B3GALNT2: variants seen among roughly 807,000 people sequenced by gnomAD.
B3GALNT2 encodes beta-1,3-N-acetylgalactosaminyltransferase 2.
Under a neutral mutation model 61.1 loss-of-function variants are expected in B3GALNT2, and 53 were observed. That is an observed-to-expected ratio of 0.87 (90% CI 0.70 to 1.09). The LOEUF is 1.09. Ranked by LOEUF, B3GALNT2 falls within the 50% of genes least tolerant of loss-of-function variation. The probability of loss-of-function intolerance (pLI) is 0.00; values close to 1 mark genes in which losing one functional copy is unlikely to be tolerated. For missense variants in B3GALNT2, 544 were observed against 623.0 expected (o/e 0.87, Z 1.35); for synonymous variants, 223 against 237.4 (o/e 0.94, Z 0.56).
chr1:235,459,612 G>A (rs1023815620), intron 7 of B3GALNT2, among the ~76,000 whole-genome samples: 2 of 152,084 alleles, frequency 1.3e-5, no homozygotes, highest in African/African-American at 4.8e-5. Context: ...AGGCAACACA[G>A]CGAGACCCTG....
chr1:235,442,949 A>C, downstream of B3GALNT2: 1 of 1,605,930 alleles, frequency 6.2e-7, no homozygotes, highest in Non-Finnish European at 8.5e-7. Context: ...TAAACTCTGA[A>C]TCATCGGCCT....
At chr1:235,465,101 C>G (rs1229065630) in intron 7 of B3GALNT2, 1 of 152,226 alleles carries the variant, frequency 6.6e-6, no homozygotes, top group Admixed American at 6.5e-5. Flanking sequence ...TATATGACCA[C>G]ACAAAAACTT....
At chr1:235,493,185 G>A (rs923030026) in intron 2 of B3GALNT2, among the ~76,000 whole-genome samples, 1 of 152,122 alleles carries the variant, frequency 6.6e-6, no homozygotes, top group African/African-American at 2.4e-5. Flanking sequence ...TCAGATTCTG[G>A]GTATGGTCTA....
chr1:235,472,671 T>C (rs1684056487), intron 5 of B3GALNT2, among the ~76,000 whole-genome samples: 1 of 152,160 alleles, frequency 6.6e-6, no homozygotes, highest in South Asian at 2.1e-4. Context: ...GCTGAATAAA[T>C]AATGTTGAAC....
rs59405398 is a variant in B3GALNT2 at position 235,448,220 on chromosome 1, C to CAAA, written c.*1983_*1985dup. On this transcript the variant is annotated 3_prime_UTR_variant, in exon 12 of 12. Coordinates refer to ENST00000366600, the MANE Select transcript of B3GALNT2 (RefSeq NM_152490.5). ...CTTAAGTAAGTAAGTAAGTCAGTCT[C>CAAA]AAAAAAAAAAAAAAAAAAAAGACAG... 0.04 allele frequency: 20,889 copies of CAAA among 519,164 alleles called. 701 individuals are homozygous for CAAA. Among genetic ancestry groups the CAAA allele is most frequent in the African/African-American group, 0.19 (6,033 of 31,276 alleles). 32.2% of individuals were successfully genotyped at this position (519,164 alleles called of 1,614,324 possible).
intron 2 of B3GALNT2, among the ~76,000 whole-genome samples, chr1:235,490,371 C>T (rs76778336): frequency 6.6e-6 from 1 of 152,172 alleles, no homozygotes; most frequent in African/African-American, 2.4e-5. Context: ...GCTGGGATTA[C>T]AGGCGTGTGC....
At chr1:235,478,640 C>T (rs966327003) in intron 5 of B3GALNT2, among the ~76,000 whole-genome samples, 25 of 152,036 alleles carry the variant, frequency 1.6e-4, no homozygotes, top group African/African-American at 5.8e-4. Flanking sequence ...TCCATAACAC[C>T]GAAAAATTGA....
chr1:235,440,217 A>AC, the B3GALNT2 span, among the ~76,000 whole-genome samples: 1 of 151,690 alleles, frequency 6.6e-6, no homozygotes, highest in South Asian at 2.1e-4. Context: ...TGATCCACCC[A>AC]CCTTGGCCTC....
chr1:235,487,608 AC>A (rs920131071), intron 3 of B3GALNT2, among the ~76,000 whole-genome samples: 39 of 152,316 alleles, frequency 2.6e-4, no homozygotes, highest in African/African-American at 8.4e-4. Flanking sequence ...GTTTTAACAA[AC>A]CTTAAAATAC....
the B3GALNT2 span, among the ~76,000 whole-genome samples, chr1:235,440,037 C>G: frequency 6.6e-6 from 1 of 152,130 alleles, no homozygotes; most frequent in African/African-American, 2.4e-5. Flanking sequence ...GTGCCGCGAT[C>G]TCCGCTCACT....
At chr1:235,488,849 T>A (rs1684929123) in intron 3 of B3GALNT2, among the ~76,000 whole-genome samples, 1 of 151,942 alleles carries the variant, frequency 6.6e-6, no homozygotes, top group African/African-American at 2.4e-5. Context: ...AGGGTAAGAA[T>A]TCAAGATCAG....
intron 4 of B3GALNT2, among the ~76,000 whole-genome samples, chr1:235,481,916 C>A (rs1262477991): frequency 6.6e-6 from 1 of 152,094 alleles, no homozygotes; most frequent in African/African-American, 2.4e-5. Flanking sequence ...ATAAACACAT[C>A]AACAAACGAG....
At position 235,489,179 on chromosome 1, in the gene B3GALNT2, A is replaced by ATGT; in HGVS notation, c.347_349dup (p.Asn116dup). The ATGT allele has an allele frequency of 1.2e-6, 2 of 1,613,806 alleles. No homozygotes were observed. Among genetic ancestry groups the ATGT allele is most frequent in the Middle Eastern group, 1.6e-4 (1 of 6,062 alleles). ...AAAAGATGACTTACCTGGATTTGTG[A>ATGT]TGTTGAGTAGTTTACAGGAATAAGG... is the stretch of plus-strand genomic sequence containing the variant. On this transcript the variant is annotated inframe_insertion, in exon 3 of 12. Transcript: ENST00000366600.
intron 5 of B3GALNT2, among the ~76,000 whole-genome samples, chr1:235,476,358 C>T (rs536842471): frequency 6.6e-6 from 1 of 152,216 alleles, no homozygotes; most frequent in South Asian, 2.1e-4. Context: ...TTGCAGTGAG[C>T]GGAGATCATG....
chr1:235,492,386 T>TA (rs1447499171), intron 2 of B3GALNT2, among the ~76,000 whole-genome samples: 2 of 152,232 alleles, frequency 1.3e-5, no homozygotes, highest in Non-Finnish European at 2.9e-5. Context: ...TATCTATTTT[T>TA]ATACAGATAG....
intron 2 of B3GALNT2, among the ~76,000 whole-genome samples, chr1:235,491,290 G>A (rs556245802): frequency 1.9e-4 from 29 of 152,290 alleles, no homozygotes; most frequent in African/African-American, 5.8e-4. Context: ...GTTGGTCATA[G>A]ATAGGAGAGT....
rs150071049 is a variant in B3GALNT2 at position 235,502,444 on chromosome 1, T to C, written c.112+1697A>G. ...TCCCGGAACTTAAAAAAAAATCCCATTTATTATCTGACCAGATACACAGTA... is the reference window on the plus strand; with the variant it reads ...TCCCGGAACTTAAAAAAAAATCCCACTTATTATCTGACCAGATACACAGTA... On this transcript the variant is annotated intron_variant, in intron 1 of 11. Transcript: ENST00000366600. Among the ~76,000 whole-genome samples the C allele has an allele frequency of 2.0e-5, 3 of 152,332 alleles. No individual in the cohort carries two copies. In the East Asian group the frequency reaches 5.8e-4, roughly 29 times the overall value.
intron 5 of B3GALNT2, chr1:235,479,498 C>T (rs1051038961): frequency 6.5e-6 from 1 of 152,984 alleles, no homozygotes; most frequent in African/African-American, 2.4e-5. Flanking sequence ...AATGAGGGCA[C>T]CTGGCAGGCG....
chr1:235,487,766 A>C (rs1684869869), intron 3 of B3GALNT2, among the ~76,000 whole-genome samples: 1 of 152,182 alleles, frequency 6.6e-6, no homozygotes, highest in South Asian at 2.1e-4. Flanking sequence ...CAGAGAACCT[A>C]GTTAGGATCA....
Sources: gnomAD v4.1 joint callset for allele counts (sites outside exome capture counted in the v4.1 genomes callset) on GRCh38, gnomAD v4.1.1 for gene constraint, MANE v1.5 for transcripts, NCBI Gene and HGNC (gene_info 2026-07-23, HGNC 2026-07-21) for gene names.